The following CPLANE1 variants were observed in gnomAD, a reference collection of about 807,000 sequenced individuals.
CPLANE1 encodes the protein ciliogenesis and planar polarity effector complex subunit 1.
In CPLANE1, 263 loss-of-function variants were observed where a neutral mutation model predicts 362.5. The ratio of observed to expected loss-of-function variants is 0.73; its 90% CI spans 0.66 to 0.80. The LOEUF (loss-of-function observed/expected upper bound fraction) is 0.80, where lower values mean the gene tolerates loss of function less well. Ranked by LOEUF, CPLANE1 falls within the 30% of genes least tolerant of loss-of-function variation. The pLI is 0.00. For synonymous variants in CPLANE1, 1,212 were observed against 1,302.6 expected (o/e 0.93, Z 1.50); for missense variants, 3,461 against 3,793.4 (o/e 0.91, Z 2.30).
chr5:37,138,540 T>C (rs760718213), intron 46 of CPLANE1, 180 bp downstream of exon 46: 2 of 738,356 alleles, frequency 2.7e-6, no homozygotes, highest in Admixed American at 3.6e-5. Context: ...TACAGTTATA[T>C]ACTATATATT....
intron 16 of CPLANE1, 105 bp from the exon 17 acceptor site, chr5:37,206,530 AC>A: frequency 1.4e-6 from 1 of 726,360 alleles, no homozygotes. Flanking sequence ...ACAAAAAACC[AC>A]CAGGAAGATA....
chr5:37,211,279 A>G, intron 16 of CPLANE1: 1 of 1,519,172 alleles, frequency 6.6e-7, no homozygotes, highest in Non-Finnish European at 9.0e-7. Context: ...AAACAGCTTC[A>G]GCAAGAGGCG....
chr5:37,138,833 C>T lies in CPLANE1; in HGVS notation c.8679G>A (p.Pro2893=), dbSNP rs370303703. 2.8e-5 allele frequency: 45 copies of T among 1,607,740 alleles called. No homozygotes were observed. Among genetic ancestry groups the T allele is most frequent in the Admixed American group, 3.4e-5 (2 of 58,456 alleles). Reference sequence around the variant, plus strand: ...TATCAGTCAATCCAGTCATCTGGAGCGGATGTACTGAAACACTTCATTTGC... The same window carrying T: ...TATCAGTCAATCCAGTCATCTGGAGTGGATGTACTGAAACACTTCATTTGC... ...DELCESVSVH[P]LQMTGLTDIA... is the part of the protein sequence containing the mutation. Residue 2893 remains proline (P), a synonymous_variant, in exon 46 of 53, where the codon CCG becomes CCA. Transcript: ENST00000651892.
downstream of CPLANE1, among the ~76,000 whole-genome samples, chr5:37,103,081 GT>G: frequency 6.6e-6 from 1 of 152,298 alleles, no homozygotes; most frequent in Non-Finnish European, 1.5e-5. Context: ...CCTATATTGG[GT>G]GTATTTATAT....
At chr5:37,195,129 T>C (rs1786942437) in intron 21 of CPLANE1, among the ~76,000 whole-genome samples, 1 of 145,190 alleles carries the variant, frequency 6.9e-6, no homozygotes, top group Non-Finnish European at 1.5e-5. Context: ...CACTCCAGCC[T>C]GGGAGACAGA....
intron 18 of CPLANE1, among the ~76,000 whole-genome samples, chr5:37,202,048 A>G (rs912383781): frequency 2.0e-5 from 3 of 152,222 alleles, no homozygotes; most frequent in African/African-American, 7.2e-5. Context: ...CAATAAAAAT[A>G]TTCTTAGAAT....
intron 24 of CPLANE1, 134 bp from the exon 25 acceptor site, chr5:37,185,213 G>C (rs1449139430): frequency 1.4e-6 from 1 of 708,904 alleles, no homozygotes; most frequent in Non-Finnish European, 2.2e-6. Flanking sequence ...CATTCTTACT[G>C]GTCGTGTTTT....
chr5:37,200,587 A>G (rs757582145), intron 19 of CPLANE1, among the ~76,000 whole-genome samples: 1 of 152,190 alleles, frequency 6.6e-6, no homozygotes. Flanking sequence ...AACAGGAGAT[A>G]GTAAAAAAAT....
At chr5:37,080,970 A>G in the CPLANE1 span, among the ~76,000 whole-genome samples, 1 of 152,350 alleles carries the variant, frequency 6.6e-6, no homozygotes, top group South Asian at 2.1e-4. Flanking sequence ...ACTTTTCAGA[A>G]CAAGCCAACA....
At chr5:37,219,224 A>G (rs1225945238) in intron 15 of CPLANE1, among the ~76,000 whole-genome samples, 1 of 151,812 alleles carries the variant, frequency 6.6e-6, no homozygotes, top group Non-Finnish European at 1.5e-5. Context: ...ATAATAAAAT[A>G]ATTTTTAAAA....
intron 50 of CPLANE1, among the ~76,000 whole-genome samples, chr5:37,116,807 C>T (rs1241823814): frequency 2.6e-5 from 4 of 152,182 alleles, no homozygotes; most frequent in Non-Finnish European, 5.9e-5. Flanking sequence ...CCCACATGTG[C>T]AATGACTGAA....
At chr5:37,079,469 T>G in the CPLANE1 span, among the ~76,000 whole-genome samples, 1 of 152,226 alleles carries the variant, frequency 6.6e-6, no homozygotes, top group East Asian at 1.9e-4. Context: ...TAGTATCATC[T>G]TTTTAAATCC....
At chr5:37,231,371 G>A (rs1449869763) in intron 8 of CPLANE1, among the ~76,000 whole-genome samples, 1 of 152,144 alleles carries the variant, frequency 6.6e-6, no homozygotes, top group Non-Finnish European at 1.5e-5. Flanking sequence ...ACTGAGGTCA[G>A]GAGTTCAAGA....
At chr5:37,121,469 A>C in intron 49 of CPLANE1, 148 bp downstream of exon 49, 1 of 711,216 alleles carries the variant, frequency 1.4e-6, no homozygotes, top group Admixed American at 3.0e-5. Context: ...TAAAGACCTC[A>C]TGATTATGAG....
intron 12 of CPLANE1, among the ~76,000 whole-genome samples, chr5:37,225,011 C>T (rs1796144621): frequency 6.7e-6 from 1 of 149,570 alleles, no homozygotes; most frequent in African/African-American, 2.5e-5. Context: ...TCTCAAACTC[C>T]TGGGCCCAAG....
chr5:37,138,961 G>C, intron 45 of CPLANE1, 113 bp from the exon 46 acceptor site: 5 of 895,820 alleles, frequency 5.6e-6, no homozygotes, highest in Non-Finnish European at 8.3e-6. Flanking sequence ...TATATCTACT[G>C]TTCCTTCTAT....
chr5:37,221,439 T>A lies in CPLANE1; in HGVS notation c.2631A>T (p.Leu877Phe), dbSNP rs1244409222. The change falls in exon 15 of 53, where the codon TTA becomes TTT. Residue 877 changes from leucine (L) to phenylalanine (F), a missense_variant. This residue lies in a region of CPLANE1 where 3,380 missense variants were observed against 3,666.1 expected (regional missense o/e 0.92). Coordinates refer to ENST00000651892, the MANE Select transcript of CPLANE1 (RefSeq NM_001384732.1). ...AATTATAGCTATAGAGGTGGCAGTATAAGAGAGAAAGATAATAGCGTATCT... is the reference window on the plus strand; with the variant it reads ...AATTATAGCTATAGAGGTGGCAGTAAAAGAGAGAAAGATAATAGCGTATCT... The part of the protein sequence containing the change: ...FLQIRYYLSL[L>F]YCHLYSYNLN... The A allele has an allele frequency of 1.3e-6, 2 of 1,522,518 alleles. No individual in the cohort carries two copies. Among genetic ancestry groups the A allele is most frequent in the Admixed American group, 4.5e-5 (2 of 43,974 alleles). The allele number at this position is 1,522,518 out of a possible 1,614,324, so 94.3% of individuals were successfully genotyped here. A position where few individuals can be genotyped will look rare whatever the true frequency, so the allele number is the denominator to read the frequency against.
the CPLANE1 span, among the ~76,000 whole-genome samples, chr5:37,092,520 C>T: frequency 1.3e-5 from 2 of 152,228 alleles, no homozygotes; most frequent in South Asian, 2.1e-4. Context: ...CCCATAGCCT[C>T]CAGTTAGGCA....
At chr5:37,083,313 C>G in the CPLANE1 span, among the ~76,000 whole-genome samples, 2 of 152,196 alleles carry the variant, frequency 1.3e-5, no homozygotes, top group Non-Finnish European at 2.9e-5. Flanking sequence ...TCTGACAGAG[C>G]CTACCCAAAT....
Sources: gnomAD v4.1 joint callset for allele counts (sites outside exome capture counted in the v4.1 genomes callset) on GRCh38, gnomAD v4.1.1 for gene constraint, gnomAD v4.1.1 regional missense constraint, MANE v1.5 for transcripts, NCBI Gene and HGNC (gene_info 2026-07-23, HGNC 2026-07-21) for gene names.